The following GNG2 variants were observed in gnomAD, a reference collection of about 807,000 sequenced individuals.
GNG2 encodes G protein subunit gamma 2, also known as guanine nucleotide-binding protein G(I)/G(S)/G(O) subunit gamma-2.
GNG2 carries 5 observed loss-of-function variants against 5.5 expected under a neutral mutation model. The ratio of observed to expected loss-of-function variants is 0.91; its 90% CI spans 0.48 to 1.92. GNG2 has a LOEUF of 1.92. Ranked by LOEUF, GNG2 falls within the 30% of genes most tolerant of loss-of-function variation. The pLI is 0.01. For synonymous variants in GNG2, 28 were observed against 32.0 expected (o/e 0.88, Z 0.42); for missense variants, 55 against 88.4 (o/e 0.62, Z 1.52).
rs548018011 is a variant in GNG2 at position 51,896,849 on chromosome 14, G to A, written c.-30+19192G>A. ...ACTTTAAACAAAAAGTCATACACTA[G>A]AATATAAGGCAGGATTATAATACAT... On this transcript the variant is annotated intron_variant, in intron 2 of 3. Coordinates refer to ENST00000556766, the MANE Select transcript of GNG2 (RefSeq NM_053064.5). 6.0e-4 allele frequency among the ~76,000 whole-genome samples: 91 copies of A among 152,198 alleles called. No homozygotes were observed. In the Middle Eastern group the frequency reaches 0.01, roughly 17 times the overall value.
At chr14:51,916,635 G>A (rs1566684802) in intron 2 of GNG2, 1 of 386,848 alleles carries the variant, frequency 2.6e-6, no homozygotes, top group South Asian at 2.0e-5. Context: ...GAAGAGCCAG[G>A]TGCTGGGAGG....
rs114796012 is a variant in GNG2 at position 51,919,975 on chromosome 14, G to A, written c.-29-30675G>A. ...ACACATACACAATTAGATATAAACC[G>A]TTGTCCCTCTGTATCTGTTGGGGAT... On this transcript the variant is annotated intron_variant, in intron 2 of 3. Transcript: ENST00000556766. 2.2e-3 allele frequency among the ~76,000 whole-genome samples: 336 copies of A among 152,266 alleles called. 1 individual carries two copies. Among genetic ancestry groups the A allele is most frequent in the African/African-American group, 7.7e-3 (319 of 41,556 alleles).
chr14:51,923,585 C>CAG (rs1491323449), intron 2 of GNG2, among the ~76,000 whole-genome samples: 1 of 147,312 alleles, frequency 6.8e-6, no homozygotes. Context: ...CACACACACA[C>CAG]AGACATATGT....
At chr14:51,859,498 A>G (rs116696778), upstream of GNG2, among the ~76,000 whole-genome samples, 1,953 of 152,344 alleles carry the variant, frequency 0.013, 45 homozygotes, top group African/African-American at 0.045. Flanking sequence ...AAAAATAATA[A>G]GAGTTAATAT....
intron 2 of GNG2, among the ~76,000 whole-genome samples, chr14:51,912,811 A>C (rs1181312518): frequency 7.3e-6 from 1 of 137,642 alleles, no homozygotes; most frequent in Non-Finnish European, 1.5e-5. Flanking sequence ...ATTATGCTGC[A>C]ACGTGTATTT....
chr14:51,921,645 T>C (rs1288704886), intron 2 of GNG2, among the ~76,000 whole-genome samples: 1 of 152,212 alleles, frequency 6.6e-6, no homozygotes, highest in Non-Finnish European at 1.5e-5. Context: ...GATATTGAAC[T>C]AGTGCTTACT....
At chr14:51,961,217 T>C (rs1889595797) in intron 3 of GNG2, among the ~76,000 whole-genome samples, 1 of 152,224 alleles carries the variant, frequency 6.6e-6, no homozygotes. Context: ...GAGAGTTTAG[T>C]TGGCCCTTAT....
At chr14:51,922,009 A>G (rs1191430169) in intron 2 of GNG2, among the ~76,000 whole-genome samples, 8 of 152,242 alleles carry the variant, frequency 5.3e-5, no homozygotes, top group Non-Finnish European at 8.8e-5. Context: ...TTCTTCATAA[A>G]TGATACCACC....
chr14:51,933,941 A>G (rs1402096745), intron 2 of GNG2, among the ~76,000 whole-genome samples: 2 of 152,262 alleles, frequency 1.3e-5, no homozygotes, highest in African/African-American at 4.8e-5. Context: ...GGAAAGCTGG[A>G]TAGCACTGAG....
At chr14:51,883,875 T>C (rs1195968718) in intron 2 of GNG2, among the ~76,000 whole-genome samples, 1 of 152,176 alleles carries the variant, frequency 6.6e-6, no homozygotes, top group African/African-American at 2.4e-5. Context: ...ATATGATCCT[T>C]TTTTGTGACA....
At chr14:51,848,837 C>T (rs1881765628) in intron 2 of GNG2, among the ~76,000 whole-genome samples, 1 of 152,072 alleles carries the variant, frequency 6.6e-6, no homozygotes, top group Admixed American at 6.6e-5. Context: ...AGGAAGGAAA[C>T]CAGGACCAGA....
chr14:51,936,728 A>G (rs1183618235), intron 2 of GNG2, among the ~76,000 whole-genome samples: 2 of 151,732 alleles, frequency 1.3e-5, no homozygotes. Flanking sequence ...TTTTTTTTGT[A>G]GAGACAGGTT....
At chr14:51,951,675 A>G (rs1888982641) in intron 3 of GNG2, among the ~76,000 whole-genome samples, 1 of 152,236 alleles carries the variant, frequency 6.6e-6, no homozygotes, top group African/African-American at 2.4e-5. Flanking sequence ...TGGGCAATCC[A>G]GCTGTCCTTT....
chr14:51,840,425 T>C (rs768585418), intron 2 of GNG2, among the ~76,000 whole-genome samples: 1 of 152,208 alleles, frequency 6.6e-6, no homozygotes, highest in Non-Finnish European at 1.5e-5. Context: ...TCCCTCTTTA[T>C]TGGGCAGAGT....
intron 2 of GNG2, among the ~76,000 whole-genome samples, chr14:51,906,773 T>TTTTTTTTTTTTTA (rs1594899112): frequency 2.0e-5 from 3 of 148,496 alleles, no homozygotes; most frequent in African/African-American, 7.4e-5. Flanking sequence ...TTTTTTTTTT[T>TTTTTTTTTTTTTA]GAGACGGAGT....
At chr14:51,891,723 G>A (rs1884867279) in intron 2 of GNG2, among the ~76,000 whole-genome samples, 1 of 152,162 alleles carries the variant, frequency 6.6e-6, no homozygotes, top group Non-Finnish European at 1.5e-5. Flanking sequence ...GATTCATCCA[G>A]GTGGATGTAC....
chr14:51,877,539 A>G (rs1156840734), intron 1 of GNG2, 78 bp from the exon 2 acceptor site: 1 of 442,624 alleles, frequency 2.3e-6, no homozygotes, highest in South Asian at 1.6e-5. Flanking sequence ...AACTTCATTC[A>G]TTCTACTTAT....
intron 2 of GNG2, among the ~76,000 whole-genome samples, chr14:51,895,891 C>G (rs569052640): frequency 6.6e-6 from 1 of 152,330 alleles, no homozygotes; most frequent in South Asian, 2.1e-4. Context: ...TGCACATGCT[C>G]TCTTTGCCTG....
In GNG2 at chr14:51,950,736, A is replaced by C; in HGVS notation, c.58A>C (p.Lys20Gln). 3 of 1,610,532 alleles carry C rather than the reference A, an allele frequency of 1.9e-6. No individual in the cohort carries two copies. The highest frequency in any genetic ancestry group is 2.5e-6 in the Non-Finnish European group (3 of 1,178,508). ...AQARKLVEQL[K>Q]MEANIDRIKV... Reference sequence around the variant, plus strand: ...AGCCAGGAAGCTGGTAGAGCAGCTTAAGATGGAAGCCAATATCGACAGGAT... The same window carrying C: ...AGCCAGGAAGCTGGTAGAGCAGCTTCAGATGGAAGCCAATATCGACAGGAT... The change falls in exon 3 of 4, where the codon AAG becomes CAG. Residue 20 changes from lysine to glutamine, a missense_variant. Physicochemically the swap from Lys to Gln is moderately conservative, Grantham distance 53. Transcript: ENST00000556766.
Sources: gnomAD v4.1 joint callset for allele counts (sites outside exome capture counted in the v4.1 genomes callset) on GRCh38, gnomAD v4.1.1 for gene constraint, MANE v1.5 for transcripts, NCBI Gene and HGNC (gene_info 2026-07-23, HGNC 2026-07-21) for gene names.